Variants in RNF150 observed in about 807,000 individuals in gnomAD.
RNF150 encodes the protein ring finger protein 150.
RNF150 carries 24 observed loss-of-function variants against 39.3 expected under a neutral mutation model. The ratio of observed to expected loss-of-function variants is 0.61; its 90% CI spans 0.44 to 0.86. The LOEUF is 0.86. Among genes scored for constraint, RNF150 ranks in the 40% least tolerant of loss-of-function variants. The pLI is 0.00. For synonymous variants in RNF150, 255 were observed against 227.3 expected, an observed-to-expected ratio of 1.12 and a Z score of -1.10; for missense variants, 502 against 587.8, an observed-to-expected ratio of 0.85 and a Z score of 1.51.
chr4:141,097,245 C>G (rs564863213), intron 1 of RNF150, among the ~76,000 whole-genome samples: 3 of 152,156 alleles, frequency 2.0e-5, no homozygotes, highest in African/African-American at 7.2e-5. Flanking sequence ...ACCAGAGCCT[C>G]GTTCAGTGTC....
intron 1 of RNF150, among the ~76,000 whole-genome samples, chr4:141,195,519 C>T (rs564768083): frequency 2.0e-5 from 3 of 152,296 alleles, no homozygotes; most frequent in Admixed American, 6.5e-5. Flanking sequence ...TCTCTGGCTT[C>T]AGTGACTGGT....
At chr4:141,148,523 A>C (rs531416892) in intron 1 of RNF150, among the ~76,000 whole-genome samples, 3 of 152,148 alleles carry the variant, frequency 2.0e-5, no homozygotes, top group Admixed American at 6.5e-5. Context: ...GGCTCACTGT[A>C]ACCTCTGCCT....
In RNF150 at chr4:140,973,006, T is replaced by C. The variant is rs995484273; in HGVS notation, c.485-5133A>G. ...GTCTTGGAAAGAAGAGCACACACTA[T>C]CATTATTTGGGGTATCACATGACCA... On this transcript the variant is annotated intron_variant, in intron 1 of 6. Transcript: ENST00000515673. Among the ~76,000 whole-genome samples the C allele has an allele frequency of 7.9e-5, 12 of 152,104 alleles. 1 individual carries two copies. The highest frequency in any genetic ancestry group is 1.3e-4 in the Non-Finnish European group (9 of 68,004).
chr4:140,950,793 T>C (rs569113489), intron 2 of RNF150, among the ~76,000 whole-genome samples: 92 of 152,348 alleles, frequency 6.0e-4, no homozygotes, highest in Non-Finnish European at 1.2e-3. Context: ...GTTTTCCTTG[T>C]TAATTCATTT....
intron 1 of RNF150, among the ~76,000 whole-genome samples, chr4:141,074,163 G>T (rs1252804518): frequency 6.6e-6 from 1 of 152,022 alleles, no homozygotes; most frequent in Non-Finnish European, 1.5e-5. Context: ...AAATCTTTCA[G>T]TCACAGAAGT....
At chr4:141,163,584 C>T (rs779379255) in intron 1 of RNF150, among the ~76,000 whole-genome samples, 9 of 152,174 alleles carry the variant, frequency 5.9e-5, no homozygotes, top group Non-Finnish European at 8.8e-5. Context: ...GTGCCACCCT[C>T]GGATGAAGCT....
At chr4:141,012,513 A>T (rs927979912) in intron 1 of RNF150, among the ~76,000 whole-genome samples, 8 of 152,172 alleles carry the variant, frequency 5.3e-5, no homozygotes, top group African/African-American at 1.9e-4. Flanking sequence ...AAATATCATT[A>T]TAGACCGGAC....
At chr4:141,100,784 C>G (rs1211257291) in intron 1 of RNF150, among the ~76,000 whole-genome samples, 1 of 152,188 alleles carries the variant, frequency 6.6e-6, no homozygotes, top group Non-Finnish European at 1.5e-5. Context: ...GCCTATCACA[C>G]ATCTAGACTA....
At chr4:141,090,015 C>T (rs1185830841) in intron 1 of RNF150, among the ~76,000 whole-genome samples, 1 of 152,200 alleles carries the variant, frequency 6.6e-6, no homozygotes, top group East Asian at 1.9e-4. Context: ...TACCTAGGCA[C>T]ATGGACATCT....
At chr4:141,061,372 C>A (rs112776106) in intron 1 of RNF150, among the ~76,000 whole-genome samples, 243 of 152,230 alleles carry the variant, frequency 1.6e-3, no homozygotes, top group African/African-American at 5.6e-3. Flanking sequence ...AAAATATACT[C>A]TTTAAAAAAG....
At chr4:140,956,129 T>C (rs142193835) in intron 2 of RNF150, among the ~76,000 whole-genome samples, 12 of 152,292 alleles carry the variant, frequency 7.9e-5, no homozygotes, top group African/African-American at 2.6e-4. Context: ...CTACCATCTA[T>C]TGGGAGTTCT....
At chr4:140,942,071 G>A (rs1008106679) in intron 4 of RNF150, among the ~76,000 whole-genome samples, 7 of 152,154 alleles carry the variant, frequency 4.6e-5, no homozygotes, top group African/African-American at 1.7e-4. Context: ...GGACAGTGGC[G>A]ATGGTTTCAC....
intron 2 of RNF150, among the ~76,000 whole-genome samples, chr4:140,965,683 T>G (rs552377951): frequency 6.6e-6 from 1 of 152,156 alleles, no homozygotes; most frequent in East Asian, 1.9e-4. Flanking sequence ...CTCACCTATA[T>G]ATGGAATATA....
At chr4:141,162,955 T>C (rs1046138286) in intron 1 of RNF150, among the ~76,000 whole-genome samples, 1 of 152,174 alleles carries the variant, frequency 6.6e-6, no homozygotes, top group African/African-American at 2.4e-5. Context: ...GCAGACAGAA[T>C]TGTTCACTCC....
In RNF150 at chr4:140,863,631, A is replaced by G. The variant is rs967853131; in HGVS notation, c.*4630T>C. ...AAAGGGGAAGAGAGAAGATGGGAAA[A>G]TAATTTATGTATGGGTATACAAAGT... On this transcript the variant is annotated 3_prime_UTR_variant, in exon 7 of 7. Transcript: ENST00000515673. 1 of 152,242 alleles carries G rather than the reference A, an allele frequency of 6.6e-6. No individual in the cohort carries two copies. The highest frequency in any genetic ancestry group is 2.4e-5 in the African/African-American group (1 of 41,462). 9.4% of individuals were successfully genotyped at this position (152,242 alleles called of 1,614,324 possible). A position where few individuals can be genotyped will look rare whatever the true frequency, so the allele number is the denominator to read the frequency against.
chr4:140,928,187 T>TA (rs1358910310), intron 4 of RNF150, among the ~76,000 whole-genome samples: 1 of 152,170 alleles, frequency 6.6e-6, no homozygotes, highest in Non-Finnish European at 1.5e-5. Context: ...CAGACATTAA[T>TA]AAAATAATAC....
At chr4:140,952,075 T>A (rs1156909076) in intron 2 of RNF150, among the ~76,000 whole-genome samples, 1 of 152,146 alleles carries the variant, frequency 6.6e-6, no homozygotes, top group Non-Finnish European at 1.5e-5. Flanking sequence ...AGTGGTGCGA[T>A]CTCGGCTCAC....
intron 4 of RNF150, among the ~76,000 whole-genome samples, chr4:140,940,263 A>G (rs1732031281): frequency 6.6e-6 from 1 of 152,200 alleles, no homozygotes; most frequent in Admixed American, 6.5e-5. Flanking sequence ...CTCCTTGTAT[A>G]CAACTTTATG....
chr4:141,150,407 T>C (rs1727277199), intron 1 of RNF150, among the ~76,000 whole-genome samples: 1 of 152,202 alleles, frequency 6.6e-6, no homozygotes, highest in Admixed American at 6.5e-5. Flanking sequence ...CTACATTGCT[T>C]CCACCCACGG....
Sources: gnomAD v4.1 joint callset for allele counts (sites outside exome capture counted in the v4.1 genomes callset) on GRCh38, gnomAD v4.1.1 for gene constraint, MANE v1.5 for transcripts, NCBI Gene and HGNC (gene_info 2026-07-23, HGNC 2026-07-21) for gene names.